Variants in PPCS observed in about 807,000 individuals in gnomAD.
The protein encoded by PPCS is phosphopantothenoylcysteine synthetase, also known as phosphopantothenate--cysteine ligase.
PPCS carries 17 observed loss-of-function variants against 24.6 expected under a neutral mutation model. The observed-to-expected ratio is 0.69, with a 90% CI of 0.47 to 1.04. The LOEUF is 1.04. Ranked by LOEUF, PPCS falls within the 50% of genes least tolerant of loss-of-function variation. The probability of loss-of-function intolerance (pLI) is 0.00; values close to 1 mark genes in which losing one functional copy is unlikely to be tolerated. For missense variants in PPCS, 360 were observed against 402.8 expected (o/e 0.89, Z 0.91); for synonymous variants, 190 against 168.3 (o/e 1.13, Z -1.00).
At chr1:42,468,150 G>A (rs1643650957) in intron 2 of PPCS, among the ~76,000 whole-genome samples, 1 of 152,204 alleles carries the variant, frequency 6.6e-6, no homozygotes, top group Admixed American at 6.5e-5. Flanking sequence ...AGCTGGTTGT[G>A]TGAGGGACAG....
At chr1:42,471,445 TTG>T (rs1643768400) in intron 2 of PPCS, among the ~76,000 whole-genome samples, 1 of 152,218 alleles carries the variant, frequency 6.6e-6, no homozygotes, top group Non-Finnish European at 1.5e-5. Context: ...AGTCTTTTCT[TTG>T]TGTGTCTGGT....
In PPCS at chr1:42,459,795, A is replaced by T. The variant is rs1189739185; in HGVS notation, c.805A>T (p.Ile269Phe). The T allele has an allele frequency of 6.2e-7, 1 of 1,614,204 alleles. No homozygotes were observed. The highest frequency in any genetic ancestry group is 8.5e-7 in the Non-Finnish European group (1 of 1,180,026). ...ILESRQSFVFIVTKDSETKLL... is the reference protein window; with the variant it reads ...ILESRQSFVFFVTKDSETKLL... ...TGAGTCACGACAGTCCTTTGTGTTT[A>T]TTGTAACCAAAGACTCGGAAACCAA... The change falls in exon 3 of 3, where the codon ATT (isoleucine) becomes TTT (phenylalanine). Residue 269 changes from isoleucine to phenylalanine, a missense_variant. Ile to Phe is a conservative substitution (Grantham distance 21, BLOSUM62 0). Transcript: ENST00000372561.
At chr1:42,465,668 A>G (rs572959522), downstream of PPCS, among the ~76,000 whole-genome samples, 7 of 152,308 alleles carry the variant, frequency 4.6e-5, no homozygotes, top group Non-Finnish European at 8.8e-5. Flanking sequence ...CCCGACCTCT[A>G]GCACAGTTTT....
At chr1:42,457,392 C>A in intron 2 of PPCS, 42 bp downstream of exon 2, 1 of 1,539,680 alleles carries the variant, frequency 6.5e-7, no homozygotes, top group Non-Finnish European at 9.0e-7. Context: ...CCCATATAAC[C>A]AATCTTGGGT....
chr1:42,462,426 T>C (rs564208555), downstream of PPCS, among the ~76,000 whole-genome samples: 7 of 152,278 alleles, frequency 4.6e-5, no homozygotes, highest in East Asian at 7.7e-4. Context: ...AAAAAACACT[T>C]GCAAGAGGTC....
chr1:42,472,351 T>C (rs1324410763), intron 2 of PPCS, among the ~76,000 whole-genome samples: 1 of 152,218 alleles, frequency 6.6e-6, no homozygotes, highest in Non-Finnish European at 1.5e-5. Flanking sequence ...CAAACTGTTA[T>C]GTCATGATTA....
chr1:42,459,974 T>C lies in PPCS; in HGVS notation c.*48T>C. On this transcript the variant is annotated 3_prime_UTR_variant, in exon 3 of 3. Transcript: ENST00000372561. The stretch of plus-strand genomic sequence containing the variant: ...AAAAATTGTTCAGGGCTCTTAGAGA[T>C]GGTGAAAACTACAAAAAAAACCATG... 6.6e-7 allele frequency: 1 copy of C among 1,524,254 alleles called. No individual in the cohort carries two copies. 94.4% of individuals were successfully genotyped at this position (1,524,254 alleles called of 1,614,324 possible). A position where few individuals can be genotyped will look rare whatever the true frequency, so the allele number is the denominator to read the frequency against.
downstream of PPCS, chr1:42,463,944 T>G (rs1463778212): frequency 1.3e-5 from 2 of 152,244 alleles, no homozygotes; most frequent in African/African-American, 4.8e-5. Flanking sequence ...TCCACTTCTC[T>G]CATCACTCCA....
downstream of PPCS, among the ~76,000 whole-genome samples, chr1:42,461,637 C>A (rs111409266): frequency 1.9e-3 from 291 of 151,316 alleles, no homozygotes; most frequent in African/African-American, 6.7e-3. Flanking sequence ...AGCTCTGCCT[C>A]CCGGGTTCAC....
rs1339173127 is a variant in PPCS at position 42,456,723 on chromosome 1, C to T, written c.158C>T (p.Pro53Leu). Reference protein sequence around the residue: ...GGTKVPLEARPVRFLDNFSSG... With the variant: ...GGTKVPLEARLVRFLDNFSSG... ...ACCAAGGTCCCACTGGAAGCGCGGC[C>T]GGTGCGCTTCCTGGACAACTTCAGC... Residue 53 changes from proline to leucine, a missense_variant, in exon 1 of 3, where the codon CCG (proline) becomes CTG (leucine). Physicochemically the swap from Pro to Leu is moderately conservative, Grantham distance 98 (BLOSUM62 -3). Coordinates refer to ENST00000372561, the MANE Select transcript of PPCS (RefSeq NM_024664.4). 1 of 1,609,410 alleles carries T rather than the reference C, an allele frequency of 6.2e-7. No homozygotes were observed. The highest frequency in any genetic ancestry group is 1.7e-5 in the Admixed American group (1 of 59,872).
intron 2 of PPCS, chr1:42,457,629 C>A (rs775652469): frequency 6.6e-5 from 29 of 441,398 alleles, no homozygotes; most frequent in Non-Finnish European, 1.0e-4. Flanking sequence ...GATGAAGCTT[C>A]TTGGAGGAGA....
In PPCS at chr1:42,457,048, T is replaced by C; in HGVS notation, c.483T>C (p.Ala161=). The change falls in exon 1 of 3, where the codon GCT becomes GCC. Residue 161 remains alanine, a synonymous_variant. Coordinates refer to ENST00000372561, the MANE Select transcript of PPCS (RefSeq NM_024664.4). ...TLADYLHLLQ[A]AAQALNPLGP... ...CGGACTATTTGCATCTGTTGCAGGC[T>C]GCGGCCCAGGCACTCAATCCGCTAG... 6.3e-7 allele frequency: 1 copy of C among 1,599,606 alleles called. No homozygotes were observed. The highest frequency in any genetic ancestry group is 1.1e-5 in the South Asian group (1 of 90,592).
chr1:42,462,666 A>T (rs1222727936), downstream of PPCS, among the ~76,000 whole-genome samples: 1 of 152,256 alleles, frequency 6.6e-6, no homozygotes, highest in Non-Finnish European at 1.5e-5. Flanking sequence ...AAAAGATGAT[A>T]TAAATTGAGT....
Position 42,457,299 on chromosome 1 carries a change from T to G in PPCS, c.561T>G (p.Pro187=). The G allele has an allele frequency of 1.2e-6, 2 of 1,614,244 alleles. No individual in the cohort carries two copies. Among genetic ancestry groups the G allele is most frequent in the Non-Finnish European group, 1.7e-6 (2 of 1,180,042 alleles). Residue 187 remains proline, a synonymous_variant, in exon 2 of 3, where the codon CCT becomes CCG. Coordinates refer to ENST00000372561, the MANE Select transcript of PPCS (RefSeq NM_024664.4). ...LAAAVSDFYV[P]VSEMPEHKIQ... ...CGGCTGTGTCAGATTTCTATGTTCCTGTCTCTGAAATGCCTGAACACAAGA... is the reference window on the plus strand; with the variant it reads ...CGGCTGTGTCAGATTTCTATGTTCCGGTCTCTGAAATGCCTGAACACAAGA...
chr1:42,465,103 A>G (rs1437996346), downstream of PPCS, among the ~76,000 whole-genome samples: 1 of 152,212 alleles, frequency 6.6e-6, no homozygotes, highest in Non-Finnish European at 1.5e-5. Flanking sequence ...GCATAAATTT[A>G]AAAACAATTT....
Position 42,456,984 on chromosome 1 carries a change from C to G in PPCS, c.419C>G (p.Ala140Gly). The G allele has an allele frequency of 6.2e-7, 1 of 1,602,876 alleles. No individual in the cohort carries two copies. The highest frequency in any genetic ancestry group is 1.1e-5 in the South Asian group (1 of 91,092). The change falls in exon 1 of 3, where the codon GCT (alanine) becomes GGT (glycine). Residue 140 changes from alanine (A) to glycine (G), a missense_variant. By Grantham distance (60) the Ala-to-Gly change is moderately conservative. Coordinates refer to ENST00000372561, the MANE Select transcript of PPCS (RefSeq NM_024664.4). ...CTGAGGAGCTACCAGGAGGCTGCGG[C>G]TGCAGGCACCTTCCTGGCAGTAGAG... ...EALRSYQEAA[A>G]AGTFLAVEFT... is the part of the protein sequence containing the mutation.
At chr1:42,457,468 G>A in intron 2 of PPCS, 118 bp downstream of exon 2, 1 of 855,042 alleles carries the variant, frequency 1.2e-6, no homozygotes, top group South Asian at 1.4e-5. Context: ...GGGATACAGA[G>A]ATGAATAAGA....
chr1:42,467,115 T>A (rs749176571), intron 2 of PPCS, among the ~76,000 whole-genome samples: 13 of 152,178 alleles, frequency 8.5e-5, no homozygotes, highest in Non-Finnish European at 1.8e-4. Flanking sequence ...CATGAATGGC[T>A]AATGTCAAGG....
chr1:42,472,382 A>T (rs1205748529), intron 2 of PPCS, among the ~76,000 whole-genome samples: 1 of 152,216 alleles, frequency 6.6e-6, no homozygotes, highest in Admixed American at 6.5e-5. Context: ...AAAAAAATTG[A>T]TATTGATAGC....
Sources: allele counts gnomAD v4.1 joint callset (sites outside exome capture counted in the v4.1 genomes callset), GRCh38; gene constraint gnomAD v4.1.1; transcripts MANE v1.5; gene names NCBI Gene and HGNC (gene_info 2026-07-23, HGNC 2026-07-21).